Variants in THSD7A observed in about 807,000 individuals in gnomAD.
THSD7A encodes thrombospondin type 1 domain containing 7A.
A neutral mutation model predicts 231.3 loss-of-function variants in THSD7A; 96 were observed. That is an observed-to-expected ratio of 0.41 (90% CI 0.35 to 0.49). The LOEUF is 0.49. Among genes scored for constraint, THSD7A ranks in the 20% least tolerant of loss-of-function variants. THSD7A has a pLI of 0.05. For missense variants in THSD7A, 2,290 were observed against 2,070.2 expected (o/e 1.11, Z -2.06); for synonymous variants, 940 against 743.3 (o/e 1.26, Z -4.30).
intron 1 of THSD7A, among the ~76,000 whole-genome samples, chr7:11,769,557 C>A (rs1053900476): frequency 6.6e-6 from 1 of 151,806 alleles, no homozygotes; most frequent in African/African-American, 2.4e-5. Context: ...TAGGGAAACA[C>A]TTTTCTAAGC....
In THSD7A at chr7:11,672,360, A is replaced by G. The variant is rs138602930; in HGVS notation, c.191-35399T>C. ...GTATAATTGCTGCTATTTAAAATTT[A>G]CTGCATTAAAAAATTGTCTAATTTG... On this transcript the variant is annotated intron_variant, in intron 1 of 27. Coordinates refer to ENST00000423059, the MANE Select transcript of THSD7A (RefSeq NM_015204.3). Among the ~76,000 whole-genome samples the G allele has an allele frequency of 1.2e-3, 125 of 105,884 alleles. 3 individuals carry two copies. Among genetic ancestry groups the G allele is most frequent in the Admixed American group, 4.0e-3 (46 of 11,600 alleles). 69.5% of individuals were successfully genotyped at this position (105,884 alleles called of 152,430 possible).
rs567100524 is a variant in THSD7A at position 11,407,963 on chromosome 7, G to GT, written c.3799-541dup. 1.3e-3 allele frequency among the ~76,000 whole-genome samples: 202 copies of GT among 151,692 alleles called. 1 individual carries two copies. The highest frequency in any genetic ancestry group is 0.01 in the Middle Eastern group (3 of 294). ...AAAAAAAGAAATATGGGTCACCAAA[G>GT]TTTTTTTTTGATTATGAATATTTTA... is the stretch of plus-strand genomic sequence containing the variant. On this transcript the variant is annotated intron_variant, in intron 19 of 27. Coordinates refer to ENST00000423059, the MANE Select transcript of THSD7A (RefSeq NM_015204.3).
intron 4 of THSD7A, among the ~76,000 whole-genome samples, chr7:11,561,765 T>C (rs974050790): frequency 6.6e-6 from 1 of 152,088 alleles, no homozygotes; most frequent in Non-Finnish European, 1.5e-5. Flanking sequence ...GGCACAAGAA[T>C]TGCTTGAACC....
intron 1 of THSD7A, among the ~76,000 whole-genome samples, chr7:11,724,254 T>C (rs1385309662): frequency 6.6e-6 from 1 of 151,966 alleles, no homozygotes; most frequent in Non-Finnish European, 1.5e-5. Context: ...TTGAATATAG[T>C]TCTGGAGCTA....
chr7:11,623,320 C>G (rs1781377522), intron 2 of THSD7A, among the ~76,000 whole-genome samples: 1 of 152,126 alleles, frequency 6.6e-6, no homozygotes, highest in African/African-American at 2.4e-5. Flanking sequence ...TACCTAGGAA[C>G]AAAATTTAAG....
chr7:11,446,454 T>C lies in THSD7A; in HGVS notation c.2801-130A>G. 9.4e-7 allele frequency: 1 copy of C among 1,061,994 alleles called. No individual in the cohort carries two copies. The highest frequency in any genetic ancestry group is 1.4e-6 in the Non-Finnish European group (1 of 738,054). 65.8% of individuals were successfully genotyped at this position (1,061,994 alleles called of 1,614,324 possible). On this transcript the variant is annotated intron_variant, in intron 12 of 27. Transcript: ENST00000423059. The surrounding 1 kb of genome is among the most constrained non-coding windows in gnomAD (Gnocchi z 4.0). The stretch of plus-strand genomic sequence containing the variant: ...ACCATATTTAACAGTAGCCTATAAA[T>C]CAATGCTATTTTCTCATTCCACAGT...
intron 6 of THSD7A, among the ~76,000 whole-genome samples, chr7:11,532,787 A>C (rs2128319845): frequency 6.6e-6 from 1 of 152,356 alleles, no homozygotes; most frequent in African/African-American, 2.4e-5. Flanking sequence ...GAAATAGAGA[A>C]GAAATAATTC....
intron 6 of THSD7A, among the ~76,000 whole-genome samples, chr7:11,537,189 A>G (rs1319516258): frequency 2.0e-5 from 3 of 152,180 alleles, no homozygotes; most frequent in Admixed American, 6.5e-5. Flanking sequence ...CCCCTTCCTC[A>G]TCTTATAGGC....
At chr7:11,539,140 A>C (rs1352522304) in intron 6 of THSD7A, among the ~76,000 whole-genome samples, 2 of 152,180 alleles carry the variant, frequency 1.3e-5, no homozygotes, top group Non-Finnish European at 2.9e-5. Flanking sequence ...TTAATTACAA[A>C]ACAACATTTG....
intron 1 of THSD7A, among the ~76,000 whole-genome samples, chr7:11,727,774 T>C (rs1296189420): frequency 6.6e-6 from 1 of 152,044 alleles, no homozygotes; most frequent in Non-Finnish European, 1.5e-5. Context: ...TGTTTATTCA[T>C]AATAAGATTA....
intron 4 of THSD7A, among the ~76,000 whole-genome samples, chr7:11,564,271 C>A (rs1296586261): frequency 6.6e-6 from 1 of 152,156 alleles, no homozygotes; most frequent in East Asian, 1.9e-4. Flanking sequence ...GAAAACACTG[C>A]TGGTGAGGAG....
chr7:11,541,593 T>G lies in THSD7A; in HGVS notation c.1648A>C (p.Thr550Pro), dbSNP rs765039056. 9 of 1,613,866 alleles carry G rather than the reference T, an allele frequency of 5.6e-6. No individual in the cohort carries two copies. In the South Asian group the frequency reaches 9.9e-5, roughly 18 times the overall value. Residue 550 changes from threonine to proline, a missense_variant, in exon 6 of 28, where the codon ACT (threonine) becomes CCT (proline). Thr to Pro is a conservative substitution (Grantham distance 38). Coordinates refer to ENST00000423059, the MANE Select transcript of THSD7A (RefSeq NM_015204.3). The stretch of plus-strand genomic sequence containing the variant: ...TTTCCGGTTACCCCAGAGCCTCCAG[T>G]GGGCTCATTGGTAATGCGCCGCTTC... ...LRKRRITNEP[T>P]GGSGVTGNCP...
intron 6 of THSD7A, among the ~76,000 whole-genome samples, chr7:11,482,926 G>A (rs547847860): frequency 6.6e-6 from 1 of 152,280 alleles, no homozygotes; most frequent in South Asian, 2.1e-4. Context: ...CCAAAACAGG[G>A]TAGGAGAAAA....
intron 1 of THSD7A, among the ~76,000 whole-genome samples, chr7:11,780,997 C>CAAAAAAAAAAAAAAAAAAA (rs58931693): frequency 1.5e-4 from 5 of 34,448 alleles, no homozygotes; most frequent in East Asian, 1.0e-3. Context: ...GACTCCGTCT[C>CAAAAAAAAAAAAAAAAAAA]AAAAAAAAAA....
In THSD7A at chr7:11,421,566, G is replaced by A. The variant is rs1394448389; in HGVS notation, c.3383+3130C>T. Among the ~76,000 whole-genome samples the A allele has an allele frequency of 2.6e-5, 4 of 151,646 alleles. No individual in the cohort carries two copies. In the East Asian group the frequency reaches 5.8e-4, roughly 22 times the overall value. ...ACATCTCTCTTCCTTTTATTTTTTT[G>A]TTTTACAAGTAATATACTCATTTTA... On this transcript the variant is annotated intron_variant, in intron 16 of 27. Coordinates refer to ENST00000423059, the MANE Select transcript of THSD7A (RefSeq NM_015204.3).
At position 11,417,384 on chromosome 7, in the gene THSD7A, T is replaced by C. The variant is rs989110392; in HGVS notation, c.3537+66A>G. ...AAGTTATTATATTCAAAAAATAATG[T>C]CTTTAAAGCTTCAGTGGCAAATAAT... is the stretch of plus-strand genomic sequence containing the variant. On this transcript the variant is annotated intron_variant, in intron 17 of 27. Transcript: ENST00000423059. 8 of 1,382,844 alleles carry C rather than the reference T, an allele frequency of 5.8e-6. No individual in the cohort carries two copies. The Admixed American group carries it at 2.3e-4, about 40-fold the overall frequency. The allele number at this position is 1,382,844 out of a possible 1,614,324, so 85.7% of individuals were successfully genotyped here. A position where few individuals can be genotyped will look rare whatever the true frequency, so the allele number is the denominator to read the frequency against.
chr7:11,391,891 C>T (rs2115331378), intron 23 of THSD7A, among the ~76,000 whole-genome samples: 1 of 152,158 alleles, frequency 6.6e-6, no homozygotes, highest in Middle Eastern at 3.4e-3. Flanking sequence ...AGGCAATGCC[C>T]CACTTTGCTT....
intron 6 of THSD7A, among the ~76,000 whole-genome samples, chr7:11,514,525 G>C (rs1224639108): frequency 6.6e-6 from 1 of 152,154 alleles, no homozygotes; most frequent in Non-Finnish European, 1.5e-5. Context: ...GAGGAGAAAA[G>C]AGAAGGAGGA....
chr7:11,473,872 G>A (rs1253475154), intron 8 of THSD7A, among the ~76,000 whole-genome samples: 1 of 152,074 alleles, frequency 6.6e-6, no homozygotes, highest in Non-Finnish European at 1.5e-5. Context: ...GTATGCTTCG[G>A]TATTTTTGAT....
Sources: allele counts gnomAD v4.1 joint callset (sites outside exome capture counted in the v4.1 genomes callset), GRCh38; gene constraint gnomAD v4.1.1; non-coding constraint Gnocchi (gnomAD v3.1); transcripts MANE v1.5; gene names NCBI Gene and HGNC (gene_info 2026-07-23, HGNC 2026-07-21).